RERE: variants seen among roughly 807,000 people sequenced by gnomAD.
RERE encodes the protein arginine-glutamic acid dipeptide repeats, also known as arginine-glutamic acid dipeptide repeats protein.
In RERE, 40 loss-of-function variants were observed where a neutral mutation model predicts 146.1. The observed-to-expected ratio is 0.27, with a 90% CI of 0.21 to 0.36. RERE has a LOEUF of 0.36. Among genes scored for constraint, RERE ranks in the 10% least tolerant of loss-of-function variants. RERE has a pLI of 1.00. For synonymous variants in RERE, 1,003 were observed against 866.0 expected, an observed-to-expected ratio of 1.16 and a Z score of -2.78; for missense variants, 1,933 against 2,138.7, an observed-to-expected ratio of 0.90 and a Z score of 1.90.
chr1:8,762,917 T>C (rs965958235), intron 1 of RERE, among the ~76,000 whole-genome samples: 1 of 152,046 alleles, frequency 6.6e-6, no homozygotes, highest in Non-Finnish European at 1.5e-5. Context: ...TTTTGCCTTC[T>C]ACAGTAAAGT....
chr1:8,589,465 A>G (rs530918518), intron 4 of RERE, among the ~76,000 whole-genome samples: 1 of 152,266 alleles, frequency 6.6e-6, no homozygotes, highest in South Asian at 2.1e-4. Flanking sequence ...AACACTACTG[A>G]CCAAGTAATA....
At chr1:8,793,083 G>A (rs1186406060) in intron 1 of RERE, among the ~76,000 whole-genome samples, 1 of 150,842 alleles carries the variant, frequency 6.6e-6, no homozygotes, top group Non-Finnish European at 1.5e-5. Flanking sequence ...CTAGAACCCA[G>A]GAGGCAGAGG....
chr1:8,463,348 G>A (rs1429412252), intron 11 of RERE, among the ~76,000 whole-genome samples: 2 of 152,100 alleles, frequency 1.3e-5, no homozygotes, highest in East Asian at 1.9e-4. Context: ...GACCCCAAAC[G>A]GATACGGATG....
At chr1:8,439,974 T>C (rs1198251042) in intron 11 of RERE, among the ~76,000 whole-genome samples, 1 of 152,114 alleles carries the variant, frequency 6.6e-6, no homozygotes, top group East Asian at 1.9e-4. Flanking sequence ...CTGGGGAGGC[T>C]GAGGCAGGAG....
At chr1:8,384,753 C>G (rs1208274760) in intron 12 of RERE, among the ~76,000 whole-genome samples, 1 of 152,186 alleles carries the variant, frequency 6.6e-6, no homozygotes, top group East Asian at 1.9e-4. Flanking sequence ...CAGAAGGCTA[C>G]TAATAAAGAG....
intron 1 of RERE, among the ~76,000 whole-genome samples, chr1:8,736,328 T>A (rs1640196727): frequency 6.6e-6 from 1 of 152,126 alleles, no homozygotes. Flanking sequence ...TGCCTCAGCC[T>A]CTTGAGTAGC....
intron 2 of RERE, among the ~76,000 whole-genome samples, chr1:8,647,637 A>ATGTGTGTGTGTGTG (rs1484554374): frequency 1.1e-3 from 66 of 59,358 alleles, no homozygotes; most frequent in African/African-American, 3.9e-3. Flanking sequence ...TATTTAAAAT[A>ATGTGTGTGTGTGTG]TGTATGTGTG....
intron 2 of RERE, among the ~76,000 whole-genome samples, chr1:8,651,345 G>C (rs78039018): frequency 0.035 from 5,254 of 152,186 alleles, 131 homozygotes; most frequent in African/African-American, 0.06. Context: ...AGGAGTTCGA[G>C]GATGTGGTTA....
At chr1:8,492,232 G>A (rs1456417479) in intron 10 of RERE, among the ~76,000 whole-genome samples, 2 of 152,284 alleles carry the variant, frequency 1.3e-5, no homozygotes, top group African/African-American at 2.4e-5. Flanking sequence ...AAAACCTTCA[G>A]AAGGAGCTTG....
intron 1 of RERE, among the ~76,000 whole-genome samples, chr1:8,726,147 C>CTTTTCTTTTTTTTT (rs1639960710): frequency 3.5e-4 from 24 of 69,398 alleles, no homozygotes; most frequent in African/African-American, 1.5e-3. Context: ...TTTTTCTTTT[C>CTTTTCTTTTTTTTT]TTTTTTTTTT....
chr1:8,454,083 G>GT (rs1385671919), intron 11 of RERE, among the ~76,000 whole-genome samples: 1 of 152,220 alleles, frequency 6.6e-6, no homozygotes, highest in East Asian at 1.9e-4. Flanking sequence ...CATGGCTGCA[G>GT]TGATGGGCCA....
At chr1:8,516,182 G>GCCAGTGTACT (rs1351750458) in intron 7 of RERE, among the ~76,000 whole-genome samples, 1 of 127,570 alleles carries the variant, frequency 7.8e-6, no homozygotes, top group Admixed American at 9.7e-5. Flanking sequence ...CCGAGATCCC[G>GCCAGTGTACT]CCAGTGTACT....
At chr1:8,747,849 G>A (rs1640452926) in intron 1 of RERE, among the ~76,000 whole-genome samples, 1 of 151,988 alleles carries the variant, frequency 6.6e-6, no homozygotes. Flanking sequence ...TCAGCTCACT[G>A]CCGAGAACTC....
chr1:8,373,298 T>G lies in RERE; in HGVS notation c.1285-7324A>C, dbSNP rs188347593. Among the ~76,000 whole-genome samples the G allele has an allele frequency of 2.8e-3, 433 of 152,304 alleles. 3 individuals are homozygous for G. The highest frequency in any genetic ancestry group is 1.0e-2 in the African/African-American group (414 of 41,556). On this transcript the variant is annotated intron_variant, in intron 12 of 22. Transcript: ENST00000400908. ...TTAACTCTCGGTGCTAATGTGCAAT[T>G]AGAGTCAGAATGTTGTTCCCCTGCT... is the stretch of plus-strand genomic sequence containing the variant.
At chr1:8,746,029 C>T (rs1354020036) in intron 1 of RERE, among the ~76,000 whole-genome samples, 1 of 152,250 alleles carries the variant, frequency 6.6e-6, no homozygotes, top group Non-Finnish European at 1.5e-5. Context: ...CCTGCCACTG[C>T]ACTGCAGCCT....
chr1:8,495,496 G>C (rs992123257), intron 9 of RERE, among the ~76,000 whole-genome samples: 1 of 152,194 alleles, frequency 6.6e-6, no homozygotes, highest in African/African-American at 2.4e-5. Flanking sequence ...ATTTTTAGTA[G>C]AGACAAGGTT....
chr1:8,674,528 T>G lies in RERE; in HGVS notation c.-144-18087A>C, dbSNP rs575121097. Among the ~76,000 whole-genome samples the G allele has an allele frequency of 2.7e-4, 41 of 152,310 alleles. No homozygotes were observed. In the Middle Eastern group the frequency reaches 0.02, roughly 76 times the overall value. On this transcript the variant is annotated intron_variant, in intron 1 of 22. Transcript: ENST00000400908. ...AGCCAGCGGATCTCCCAACAACACT[T>G]GTACTGGTCTTGTGTTGGCAAGGCT...
intron 1 of RERE, among the ~76,000 whole-genome samples, chr1:8,794,357 CAAAAAAAAAAAAA>C (rs34549021): frequency 2.5e-5 from 1 of 40,554 alleles, no homozygotes; most frequent in Non-Finnish European, 4.7e-5. Context: ...GACTCCGTCT[CAAAAAAAAAAAAA>C]AAAAAAAAAA....
chr1:8,366,117 GAGGAACTGGGCTTGCCCA>G, intron 12 of RERE, 143 bp from the exon 13 acceptor site: 1 of 908,734 alleles, frequency 1.1e-6, no homozygotes, highest in South Asian at 1.7e-5. Context: ...GGAGTTGGGA[GAGGAACTGGGCTTGCCCA>G]AGAAACAGCC....
Sources: allele counts gnomAD v4.1 joint callset (sites outside exome capture counted in the v4.1 genomes callset), GRCh38; gene constraint gnomAD v4.1.1; transcripts MANE v1.5; gene names NCBI Gene and HGNC (gene_info 2026-07-23, HGNC 2026-07-21).